Variants in OPCML observed in about 807,000 individuals in gnomAD.
OPCML encodes the protein opioid-binding protein/cell adhesion molecule.
OPCML carries 13 observed loss-of-function variants against 37.8 expected under a neutral mutation model. That is an observed-to-expected ratio of 0.34 (90% CI 0.22 to 0.55). The LOEUF (loss-of-function observed/expected upper bound fraction) is 0.55. OPCML is among the 20% of genes least tolerant of loss of function. The probability of loss-of-function intolerance (pLI) is 0.91; values close to 1 mark genes in which losing one functional copy is unlikely to be tolerated. For synonymous variants in OPCML, 176 were observed against 168.8 expected (o/e 1.04, Z -0.33); for missense variants, 341 against 435.6 (o/e 0.78, Z 1.93).
intron 3 of OPCML, among the ~76,000 whole-genome samples, chr11:132,628,366 A>G (rs1939873486): frequency 6.6e-6 from 1 of 152,090 alleles, no homozygotes; most frequent in African/African-American, 2.4e-5. Flanking sequence ...TACTGGCAAC[A>G]AAAAAAATTT....
intron 2 of OPCML, among the ~76,000 whole-genome samples, chr11:132,708,986 C>T (rs917160530): frequency 6.6e-6 from 1 of 152,100 alleles, no homozygotes; most frequent in African/African-American, 2.4e-5. Context: ...TCTCATGGGT[C>T]ACGGAGTTTC....
intron 1 of OPCML, among the ~76,000 whole-genome samples, chr11:133,507,601 C>T (rs1023217137): frequency 5.3e-5 from 8 of 152,026 alleles, no homozygotes; most frequent in East Asian, 3.9e-4. Flanking sequence ...CTGATTATGG[C>T]GACAACAATG....
Position 132,432,216 on chromosome 11 carries a change from T to C in OPCML, c.916+3870A>G, listed in dbSNP as rs149686341. On this transcript the variant is annotated intron_variant, in intron 7 of 7. Transcript: ENST00000524381. ...CAGGATAAATATAGTACTTACTTCA[T>C]AGAGTCACTAAGGGTGATAAAAAAG... is the stretch of plus-strand genomic sequence containing the variant. Among the ~76,000 whole-genome samples, 25 of 152,276 alleles carry C rather than the reference T, an allele frequency of 1.6e-4. No individual in the cohort carries two copies. In the East Asian group the frequency reaches 4.5e-3, roughly 27 times the overall value.
chr11:133,082,425 C>T (rs868578301), intron 1 of OPCML, among the ~76,000 whole-genome samples: 38 of 113,112 alleles, frequency 3.4e-4, no homozygotes, highest in Middle Eastern at 5.0e-3. Context: ...CCCTATCCTC[C>T]CCCCTCCCCA....
intron 4 of OPCML, among the ~76,000 whole-genome samples, chr11:132,475,035 C>T (rs2096150755): frequency 6.6e-6 from 1 of 152,188 alleles, no homozygotes; most frequent in South Asian, 2.1e-4. Flanking sequence ...TTTCACCAGC[C>T]CTAGGTTTCT....
chr11:133,164,955 A>G (rs1371210681), intron 1 of OPCML, among the ~76,000 whole-genome samples: 2 of 152,220 alleles, frequency 1.3e-5, no homozygotes, highest in Non-Finnish European at 2.9e-5. Context: ...AATAGCTGGA[A>G]AAGCTCCTTG....
At chr11:133,462,724 T>C (rs776239097) in intron 1 of OPCML, among the ~76,000 whole-genome samples, 7 of 152,214 alleles carry the variant, frequency 4.6e-5, no homozygotes, top group Middle Eastern at 6.8e-3. Flanking sequence ...CCTCGTAGCA[T>C]TGCTGGTAAA....
At chr11:133,087,597 C>T (rs1229213834) in intron 1 of OPCML, among the ~76,000 whole-genome samples, 1 of 152,214 alleles carries the variant, frequency 6.6e-6, no homozygotes, top group Admixed American at 6.5e-5. Context: ...CAGAGTTTAA[C>T]ATATTAATTT....
At chr11:133,214,102 A>G (rs760670812) in intron 1 of OPCML, among the ~76,000 whole-genome samples, 45 of 152,122 alleles carry the variant, frequency 3.0e-4, no homozygotes, top group Non-Finnish European at 5.7e-4. Context: ...TTCCCTTAAA[A>G]TAATAATAAT....
At chr11:133,509,233 C>T (rs1948103232) in intron 1 of OPCML, among the ~76,000 whole-genome samples, 1 of 152,162 alleles carries the variant, frequency 6.6e-6, no homozygotes, top group Non-Finnish European at 1.5e-5. Flanking sequence ...CCCCGTCCCA[C>T]TGACAGGCCC....
chr11:132,983,732 C>T (rs1007799244), intron 1 of OPCML, among the ~76,000 whole-genome samples: 2 of 152,188 alleles, frequency 1.3e-5, no homozygotes, highest in African/African-American at 4.8e-5. Flanking sequence ...GAGTACTCCA[C>T]AAAGCACCAC....
intron 2 of OPCML, chr11:132,772,149 A>G (rs1344547426): frequency 1.3e-5 from 2 of 152,258 alleles, no homozygotes; most frequent in Non-Finnish European, 2.9e-5. Context: ...ATAGTAAGAC[A>G]ATAACTCATC....
At chr11:132,641,131 G>A (rs1336528394) in intron 3 of OPCML, among the ~76,000 whole-genome samples, 1 of 152,148 alleles carries the variant, frequency 6.6e-6, no homozygotes. Flanking sequence ...GAAGCTGGGT[G>A]AGGCCTCTAT....
At chr11:133,381,593 T>C (rs1179970409) in intron 1 of OPCML, among the ~76,000 whole-genome samples, 1 of 151,852 alleles carries the variant, frequency 6.6e-6, no homozygotes, top group Non-Finnish European at 1.5e-5. Context: ...CTGGAGAAAG[T>C]GTGGAGTGTG....
chr11:132,517,911 A>G (rs540721128), intron 4 of OPCML, among the ~76,000 whole-genome samples: 1 of 152,286 alleles, frequency 6.6e-6, no homozygotes, highest in African/African-American at 2.4e-5. Context: ...ACAGAGGTTT[A>G]GTCAACTGCA....
chr11:133,439,666 A>G (rs900785875), intron 1 of OPCML, among the ~76,000 whole-genome samples: 1 of 150,220 alleles, frequency 6.7e-6, no homozygotes, highest in East Asian at 2.0e-4. Context: ...ACGGGGTTTC[A>G]CCGTTTTAGC....
chr11:133,173,889 GGAATGAA>G lies in OPCML; in HGVS notation c.62-230886_62-230880del, dbSNP rs951015446. Among the ~76,000 whole-genome samples, 9 of 152,210 alleles carry G rather than the reference GGAATGAA, an allele frequency of 5.9e-5. No individual in the cohort carries two copies. Among genetic ancestry groups the G allele is most frequent in the Non-Finnish European group, 8.8e-5 (6 of 68,046 alleles). The stretch of plus-strand genomic sequence containing the variant: ...TAAATGGGTCTGCACTCTGAGGGCT[GGAATGAA>G]GATTGGACCGGGGCCGGCCGGCACT... On this transcript the variant is annotated intron_variant, in intron 1 of 7. Transcript: ENST00000524381. This position sits in a 1 kb window ranked among gnomAD's most constrained non-coding sequence, Gnocchi z 7.8.
At chr11:132,654,907 T>A (rs1941630105) in intron 3 of OPCML, among the ~76,000 whole-genome samples, 1 of 145,076 alleles carries the variant, frequency 6.9e-6, no homozygotes, top group Non-Finnish European at 1.5e-5. Flanking sequence ...AGAGAGTAGC[T>A]TGGCCTGGAA....
intron 2 of OPCML, among the ~76,000 whole-genome samples, chr11:132,702,955 T>C (rs577068453): frequency 1.6e-3 from 237 of 152,278 alleles, no homozygotes; most frequent in Non-Finnish European, 2.5e-3. Flanking sequence ...TCATGTAGTG[T>C]TTTCCTAATT....
Sources: gnomAD v4.1 joint callset for allele counts (sites outside exome capture counted in the v4.1 genomes callset) on GRCh38, gnomAD v4.1.1 for gene constraint, Gnocchi (gnomAD v3.1) non-coding constraint, MANE v1.5 for transcripts, NCBI Gene and HGNC (gene_info 2026-07-23, HGNC 2026-07-21) for gene names.